Variants in SLC38A1 observed in about 807,000 individuals in gnomAD.
SLC38A1 encodes solute carrier family 38 member 1.
SLC38A1 carries 18 observed loss-of-function variants against 60.3 expected under a neutral mutation model. That is an observed-to-expected ratio of 0.30 (90% CI 0.21 to 0.44). SLC38A1 has a LOEUF of 0.44. SLC38A1 is among the 20% of genes least tolerant of loss of function. The pLI, the probability that SLC38A1 is intolerant of heterozygous loss-of-function variation, is 1.00. For synonymous variants in SLC38A1, 196 were observed against 212.1 expected, an observed-to-expected ratio of 0.92 and a Z score of 0.66; for missense variants, 448 against 587.2, an observed-to-expected ratio of 0.76 and a Z score of 2.45.
At chr12:46,199,134 G>T (rs1038260507) in intron 13 of SLC38A1, among the ~76,000 whole-genome samples, 14 of 151,952 alleles carry the variant, frequency 9.2e-5, no homozygotes, top group Non-Finnish European at 1.5e-4. Context: ...AGGGGGTGGG[G>T]TGGGGAGAGC....
chr12:46,193,488 A>G (rs987552676), intron 16 of SLC38A1, among the ~76,000 whole-genome samples: 10 of 152,094 alleles, frequency 6.6e-5, no homozygotes, highest in African/African-American at 2.4e-4. Context: ...GATATCCTTG[A>G]TAACCTTCTG....
At position 46,218,337 on chromosome 12, in the gene SLC38A1, T is replaced by C. The variant is rs527338413; in HGVS notation, c.315-9210A>G. Among the ~76,000 whole-genome samples the C allele has an allele frequency of 1.3e-4, 20 of 152,246 alleles. No individual in the cohort carries two copies. In the South Asian group the frequency reaches 2.7e-3, roughly 21 times the overall value. On this transcript the variant is annotated intron_variant, in intron 5 of 16. Coordinates refer to ENST00000398637, the MANE Select transcript of SLC38A1 (RefSeq NM_030674.4). ...ATCATATTCTAAAGATGTTAACTCT[T>C]GAGTGACAGAAAAATCCCATGTGAC... is the stretch of plus-strand genomic sequence containing the variant.
At position 46,188,225 on chromosome 12, in the gene SLC38A1, T is replaced by G. The variant is rs1205520411; in HGVS notation, c.*745A>C. ...TGCCAAGAGGGAAAAAATACTTCATTTGCTAGATTACCCAAATGTGTAGCT... is the reference window on the plus strand; with the variant it reads ...TGCCAAGAGGGAAAAAATACTTCATGTGCTAGATTACCCAAATGTGTAGCT... On this transcript the variant is annotated 3_prime_UTR_variant, in exon 17 of 17. Transcript: ENST00000398637. 6.6e-6 allele frequency: 1 copy of G among 152,206 alleles called. No individual in the cohort carries two copies. Among genetic ancestry groups the G allele is most frequent in the Non-Finnish European group, 1.5e-5 (1 of 68,026 alleles). The allele number at this position is 152,206 out of a possible 1,614,324, so 9.4% of individuals were successfully genotyped here.
Position 46,193,719 on chromosome 12 carries a change from T to A in SLC38A1, c.1362+4001A>T, listed in dbSNP as rs749405941. On this transcript the variant is annotated intron_variant, in intron 16 of 16. Transcript: ENST00000398637. ...TTTATCTCTTTTGATCTTTGTTGGT[T>A]TAAAGTCTGGTTTATCAGAGACTAG... 1.8e-4 allele frequency among the ~76,000 whole-genome samples: 27 copies of A among 152,208 alleles called. 1 individual carries two copies. The highest frequency in any genetic ancestry group is 4.6e-4 in the Admixed American group (7 of 15,288).
chr12:46,205,975 T>C (rs182047161), intron 9 of SLC38A1, 105 bp downstream of exon 9: 14 of 629,836 alleles, frequency 2.2e-5, no homozygotes, highest in African/African-American at 2.1e-4. Context: ...ACTTAATCTT[T>C]GAGTGCATGC....
intron 14 of SLC38A1, among the ~76,000 whole-genome samples, chr12:46,198,350 G>A (rs1751750115): frequency 6.6e-6 from 1 of 152,118 alleles, no homozygotes; most frequent in Non-Finnish European, 1.5e-5. Context: ...CTCTCTTCAT[G>A]TCTACTGAGA....
At chr12:46,261,505 CTA>C (rs1942195626) in intron 1 of SLC38A1, among the ~76,000 whole-genome samples, 1 of 152,142 alleles carries the variant, frequency 6.6e-6, no homozygotes, top group African/African-American at 2.4e-5. Flanking sequence ...AAAAAGAAAG[CTA>C]TGATCACCTG....
chr12:46,249,166 A>AC (rs1941741060), intron 1 of SLC38A1, among the ~76,000 whole-genome samples: 1 of 149,180 alleles, frequency 6.7e-6, no homozygotes, highest in Non-Finnish European at 1.5e-5. Context: ...AAAAAAAAAA[A>AC]AAAAAAAAAG....
chr12:46,251,146 T>C (rs1941823767), intron 1 of SLC38A1, among the ~76,000 whole-genome samples: 1 of 152,060 alleles, frequency 6.6e-6, no homozygotes, highest in Non-Finnish European at 1.5e-5. Context: ...CCAAAACAGA[T>C]ATATGGACCA....
chr12:46,222,277 A>C (rs1366269530), intron 5 of SLC38A1, among the ~76,000 whole-genome samples: 2 of 152,112 alleles, frequency 1.3e-5, no homozygotes, highest in Non-Finnish European at 2.9e-5. Flanking sequence ...GTTAAAAATA[A>C]ATTCAAAGAG....
At chr12:46,224,829 G>A (rs1439392762) in intron 5 of SLC38A1, among the ~76,000 whole-genome samples, 1 of 152,196 alleles carries the variant, frequency 6.6e-6, no homozygotes, top group African/African-American at 2.4e-5. Context: ...TGTTATCCAT[G>A]AATCTTACAA....
intron 1 of SLC38A1, among the ~76,000 whole-genome samples, chr12:46,257,828 A>G (rs1271884008): frequency 6.6e-6 from 1 of 152,208 alleles, no homozygotes; most frequent in Non-Finnish European, 1.5e-5. Flanking sequence ...TGGTTGCCAG[A>G]AAGATGTTAC....
Position 46,244,485 on chromosome 12 carries a change from A to G in SLC38A1, c.-208-1171T>C, listed in dbSNP as rs369044408. Among the ~76,000 whole-genome samples the G allele has an allele frequency of 9.6e-4, 146 of 152,334 alleles. 1 individual carries two copies. The highest frequency in any genetic ancestry group is 3.3e-3 in the African/African-American group (139 of 41,574). On this transcript the variant is annotated intron_variant, in intron 1 of 16. Coordinates refer to ENST00000398637, the MANE Select transcript of SLC38A1 (RefSeq NM_030674.4). ...TCTAGATATAATTTAGATTCCACCA[A>G]TGGGAGAGTGGTGGTGGCCAGAGCA...
chr12:46,187,468 G>A lies in SLC38A1; in HGVS notation c.*1502C>T, dbSNP rs796958217. 9 of 152,324 alleles carry A rather than the reference G, an allele frequency of 5.9e-5. 1 individual carries two copies. Among genetic ancestry groups the A allele is most frequent in the African/African-American group, 2.2e-4 (9 of 41,562 alleles). 9.4% of individuals were successfully genotyped at this position (152,324 alleles called of 1,614,324 possible). A position where few individuals can be genotyped will look rare whatever the true frequency, so the allele number is the denominator to read the frequency against. On this transcript the variant is annotated 3_prime_UTR_variant, in exon 17 of 17. Transcript: ENST00000398637. ...CAAGCTATGGACAATTCAATCACAT[G>A]GGATGGCCCCACTTAGGGGAATGCA...
At chr12:46,208,246 T>C (rs1015330814) in intron 6 of SLC38A1, among the ~76,000 whole-genome samples, 3 of 152,238 alleles carry the variant, frequency 2.0e-5, no homozygotes, top group Non-Finnish European at 4.4e-5. Context: ...AATTTGAAAG[T>C]GTTCGACTAG....
chr12:46,224,615 G>C (rs1418543025), intron 5 of SLC38A1, among the ~76,000 whole-genome samples: 1 of 152,162 alleles, frequency 6.6e-6, no homozygotes, highest in Non-Finnish European at 1.5e-5. Context: ...GTCTGGAATG[G>C]AGCCCTGTAC....
At chr12:46,225,672 A>C (rs1471494497) in intron 5 of SLC38A1, among the ~76,000 whole-genome samples, 1 of 152,196 alleles carries the variant, frequency 6.6e-6, no homozygotes, top group Non-Finnish European at 1.5e-5. Flanking sequence ...TCTTAAGTGA[A>C]GCTATTGCGA....
intron 3 of SLC38A1, among the ~76,000 whole-genome samples, chr12:46,235,998 G>A (rs1941246069): frequency 6.6e-6 from 1 of 152,164 alleles, no homozygotes; most frequent in African/African-American, 2.4e-5. Context: ...TGCTTCTTGA[G>A]GTGAAGAAGA....
chr12:46,266,017 G>A (rs1942339283), intron 1 of SLC38A1, among the ~76,000 whole-genome samples: 1 of 152,208 alleles, frequency 6.6e-6, no homozygotes, highest in South Asian at 2.1e-4. Flanking sequence ...GGGAAGGGCA[G>A]TACGAGAAGG....
Sources: gnomAD v4.1 joint callset for allele counts (sites outside exome capture counted in the v4.1 genomes callset) on GRCh38, gnomAD v4.1.1 for gene constraint, MANE v1.5 for transcripts, NCBI Gene and HGNC (gene_info 2026-07-23, HGNC 2026-07-21) for gene names.